ASTN1: variants seen among roughly 807,000 people sequenced by gnomAD.
ASTN1 encodes astrotactin-1.
A neutral mutation model predicts 140.7 loss-of-function variants in ASTN1; 41 were observed. That is an observed-to-expected ratio of 0.29 (90% CI 0.23 to 0.38). The LOEUF (loss-of-function observed/expected upper bound fraction) is 0.38, where lower values mean the gene tolerates loss of function less well. ASTN1 is among the 10% of genes least tolerant of loss of function. The pLI, the probability that ASTN1 is intolerant of heterozygous loss-of-function variation, is 1.00. For synonymous variants in ASTN1, 640 were observed against 652.2 expected, an observed-to-expected ratio of 0.98 and a Z score of 0.29; for missense variants, 1,479 against 1,678.8, an observed-to-expected ratio of 0.88 and a Z score of 2.08.
At chr1:177,022,983 T>C (rs937572994) in intron 7 of ASTN1, among the ~76,000 whole-genome samples, 2 of 152,180 alleles carry the variant, frequency 1.3e-5, no homozygotes, top group African/African-American at 2.4e-5. Flanking sequence ...ACATTAAAAT[T>C]TTAAAAGTGA....
chr1:176,894,926 G>C (rs775734140), intron 16 of ASTN1, 96 bp from the exon 17 acceptor site: 2 of 1,516,416 alleles, frequency 1.3e-6, no homozygotes, highest in African/African-American at 1.4e-5. Context: ...CAATCTTTGG[G>C]ATCAGAAACA....
At chr1:177,051,277 G>T (rs1448506258) in intron 2 of ASTN1, among the ~76,000 whole-genome samples, 1 of 152,216 alleles carries the variant, frequency 6.6e-6, no homozygotes, top group Non-Finnish European at 1.5e-5. Context: ...TAGTCTTTAT[G>T]TGGGTTCTGC....
chr1:177,007,383 T>C (rs774959528), intron 8 of ASTN1, among the ~76,000 whole-genome samples: 7 of 151,442 alleles, frequency 4.6e-5, no homozygotes, highest in Non-Finnish European at 8.8e-5. Flanking sequence ...AAGAGTGAAA[T>C]GCCGTCTCAA....
At chr1:177,033,613 A>G (rs1467173651) in intron 2 of ASTN1, among the ~76,000 whole-genome samples, 1 of 152,172 alleles carries the variant, frequency 6.6e-6, no homozygotes, top group Non-Finnish European at 1.5e-5. Context: ...TCTGAACATG[A>G]CTTTTGGGTC....
chr1:177,018,210 C>T (rs971206621), intron 7 of ASTN1, among the ~76,000 whole-genome samples: 1 of 152,168 alleles, frequency 6.6e-6, no homozygotes, highest in South Asian at 2.1e-4. Context: ...GGGAAGTGTG[C>T]CAAAAGAACA....
At chr1:177,005,202 A>T (rs913541358) in intron 8 of ASTN1, among the ~76,000 whole-genome samples, 2 of 152,244 alleles carry the variant, frequency 1.3e-5, no homozygotes, top group Non-Finnish European at 2.9e-5. Flanking sequence ...TAAAAAAAAT[A>T]CAAATGGCCA....
intron 1 of ASTN1, among the ~76,000 whole-genome samples, chr1:177,121,828 G>C (rs994213008): frequency 3.3e-5 from 5 of 152,126 alleles, no homozygotes; most frequent in African/African-American, 9.7e-5. Flanking sequence ...TGTGATCAGG[G>C]AGGTGGGTAA....
intron 1 of ASTN1, among the ~76,000 whole-genome samples, chr1:177,064,200 A>G (rs1292856362): frequency 6.6e-6 from 1 of 152,206 alleles, no homozygotes; most frequent in Non-Finnish European, 1.5e-5. Context: ...ATGCACAGAC[A>G]GACAGCACAC....
At chr1:176,921,797 A>C (rs938077304) in intron 16 of ASTN1, among the ~76,000 whole-genome samples, 1 of 152,176 alleles carries the variant, frequency 6.6e-6, no homozygotes, top group Non-Finnish European at 1.5e-5. Context: ...GAAAGGAGGG[A>C]TGAGAAGCTG....
At chr1:177,044,560 G>A (rs79994981) in intron 2 of ASTN1, among the ~76,000 whole-genome samples, 1 of 152,126 alleles carries the variant, frequency 6.6e-6, no homozygotes, top group Non-Finnish European at 1.5e-5. Flanking sequence ...GAAATTGAGC[G>A]GCAGCTCTTC....
At chr1:177,035,583 G>A (rs552041717) in intron 2 of ASTN1, among the ~76,000 whole-genome samples, 1 of 152,272 alleles carries the variant, frequency 6.6e-6, no homozygotes, top group Admixed American at 6.5e-5. Context: ...GTTTAAACAG[G>A]ACTATTTGTG....
Position 176,890,397 on chromosome 1 carries a change from A to G in ASTN1, c.2941-2193T>C, listed in dbSNP as rs147671367. Among the ~76,000 whole-genome samples the G allele has an allele frequency of 3.5e-4, 54 of 152,330 alleles. 1 individual carries two copies. The highest frequency in any genetic ancestry group is 6.8e-3 in the Middle Eastern group (2 of 294). ...AGTAGTGTTCCAGGTTGAAAAAACA[A>G]TGTCAACAAGACCAGCCTGGATGGA... is the stretch of plus-strand genomic sequence containing the variant. On this transcript the variant is annotated intron_variant, in intron 17 of 22. Transcript: ENST00000361833.
At chr1:176,876,267 C>T (rs1462475564) in intron 21 of ASTN1, among the ~76,000 whole-genome samples, 1 of 152,204 alleles carries the variant, frequency 6.6e-6, no homozygotes, top group Non-Finnish European at 1.5e-5. Context: ...ACCTGGCATA[C>T]AATCGTGTAT....
chr1:176,864,628 T>C, intron 22 of ASTN1, 107 bp from the exon 23 acceptor site: 1 of 1,478,514 alleles, frequency 6.8e-7, no homozygotes, highest in Non-Finnish European at 9.0e-7. Flanking sequence ...AAGAGTGTGG[T>C]GTGTTTTGCT....
intron 1 of ASTN1, among the ~76,000 whole-genome samples, chr1:177,140,388 C>G (rs140647065): frequency 1.8e-3 from 275 of 152,064 alleles, no homozygotes; most frequent in Middle Eastern, 3.4e-3. Context: ...CAGAATGGAC[C>G]CCTGATAAGT....
intron 1 of ASTN1, among the ~76,000 whole-genome samples, chr1:177,085,744 A>G (rs4370732): frequency 0.46 from 69,291 of 152,002 alleles, 17,238 homozygotes; most frequent in Non-Finnish European, 0.57. Flanking sequence ...GCACAGAGGA[A>G]GCATGCGTAC....
intron 1 of ASTN1, among the ~76,000 whole-genome samples, chr1:177,113,231 A>G (rs1309126228): frequency 6.6e-6 from 1 of 152,078 alleles, no homozygotes; most frequent in Non-Finnish European, 1.5e-5. Context: ...CTTGCTCCAA[A>G]CCAGGCACAG....
intron 1 of ASTN1, among the ~76,000 whole-genome samples, chr1:177,160,954 C>G (rs1276484721): frequency 6.6e-6 from 1 of 152,148 alleles, no homozygotes; most frequent in Non-Finnish European, 1.5e-5. Flanking sequence ...GTATAGCAAT[C>G]TAGACCTAAC....
chr1:176,872,527 T>C (rs1668391828), intron 21 of ASTN1, among the ~76,000 whole-genome samples: 1 of 152,206 alleles, frequency 6.6e-6, no homozygotes, highest in Admixed American at 6.5e-5. Flanking sequence ...CCGAAAGGAT[T>C]TGCCAATGGG....
Sources: allele counts gnomAD v4.1 joint callset (sites outside exome capture counted in the v4.1 genomes callset), GRCh38; gene constraint gnomAD v4.1.1; transcripts MANE v1.5; gene names NCBI Gene and HGNC (gene_info 2026-07-23, HGNC 2026-07-21).